The following ADAMTSL1 variants were observed in gnomAD, a reference collection of about 807,000 sequenced individuals.
ADAMTSL1 encodes ADAMTS-like protein 1.
ADAMTSL1 carries 126 observed loss-of-function variants against 201.8 expected under a neutral mutation model. The ratio of observed to expected loss-of-function variants is 0.62; its 90% CI spans 0.54 to 0.72. The LOEUF is 0.72. Among genes scored for constraint, ADAMTSL1 ranks in the 30% least tolerant of loss-of-function variants. ADAMTSL1 has a pLI of 0.00. For missense variants in ADAMTSL1, 2,679 were observed against 2,277.8 expected, an observed-to-expected ratio of 1.18 and a Z score of -3.59; for synonymous variants, 1,121 against 903.4, an observed-to-expected ratio of 1.24 and a Z score of -4.32.
chr9:18,565,047 C>T (rs1222287089), intron 3 of ADAMTSL1, among the ~76,000 whole-genome samples: 1 of 152,184 alleles, frequency 6.6e-6, no homozygotes, highest in African/African-American at 2.4e-5. Flanking sequence ...TTACTTAGAT[C>T]AACTCTCAGA....
rs572708801 is a variant in ADAMTSL1, at chr9:18,556,767, T to C, written c.238-17263T>C. Among the ~76,000 whole-genome samples, 8 of 152,152 alleles carry C rather than the reference T, an allele frequency of 5.3e-5. No homozygotes were observed. The South Asian group carries it at 1.5e-3, about 28-fold the overall frequency. On this transcript the variant is annotated intron_variant, in intron 3 of 28. Transcript: ENST00000380548. ...CCAGTAAATTTGGCACATGATATTG[T>C]TTGATTAGACTCATATGTTAAGCCA...
chr9:18,035,796 A>C (rs1006015502), intron 1 of ADAMTSL1, among the ~76,000 whole-genome samples: 1 of 152,136 alleles, frequency 6.6e-6, no homozygotes, highest in Non-Finnish European at 1.5e-5. Flanking sequence ...ATATACCCAG[A>C]ATGATGCTGT....
At chr9:18,717,733 C>G (rs1037999903) in intron 14 of ADAMTSL1, among the ~76,000 whole-genome samples, 2 of 152,164 alleles carry the variant, frequency 1.3e-5, no homozygotes, top group Non-Finnish European at 2.9e-5. Flanking sequence ...TGGATGTAGT[C>G]TCTGCTTTTA....
intron 1 of ADAMTSL1, among the ~76,000 whole-genome samples, chr9:18,068,537 A>G (rs1012018086): frequency 2.6e-5 from 4 of 152,112 alleles, no homozygotes; most frequent in Non-Finnish European, 4.4e-5. Context: ...CTCCATGGAT[A>G]CCAATGAACA....
intron 2 of ADAMTSL1, among the ~76,000 whole-genome samples, chr9:18,462,383 G>A (rs548681908): frequency 1.3e-5 from 2 of 152,200 alleles, no homozygotes; most frequent in South Asian, 2.1e-4. Flanking sequence ...TACATACTGG[G>A]GTACAGTGGT....
intron 1 of ADAMTSL1, among the ~76,000 whole-genome samples, chr9:18,485,702 G>A (rs1821955932): frequency 6.6e-6 from 1 of 152,196 alleles, no homozygotes; most frequent in Non-Finnish European, 1.5e-5. Flanking sequence ...CCCAGAAGAA[G>A]GAAAGGGAAG....
At chr9:18,006,274 A>G (rs1321720319) in intron 1 of ADAMTSL1, among the ~76,000 whole-genome samples, 1 of 152,030 alleles carries the variant, frequency 6.6e-6, no homozygotes, top group Non-Finnish European at 1.5e-5. Context: ...TAAAATAATT[A>G]GGACATTCTG....
At chr9:18,052,776 G>A (rs908001733) in intron 1 of ADAMTSL1, among the ~76,000 whole-genome samples, 2 of 151,710 alleles carry the variant, frequency 1.3e-5, no homozygotes, top group African/African-American at 4.9e-5. Context: ...ACCCAGCTGT[G>A]TTTTGTACTA....
At chr9:18,612,572 A>T (rs1421949293) in intron 4 of ADAMTSL1, among the ~76,000 whole-genome samples, 1 of 152,136 alleles carries the variant, frequency 6.6e-6, no homozygotes, top group Non-Finnish European at 1.5e-5. Context: ...CAGAAATAAG[A>T]CTGCACACCT....
At chr9:18,239,131 A>G (rs902282412) in intron 2 of ADAMTSL1, among the ~76,000 whole-genome samples, 3 of 152,182 alleles carry the variant, frequency 2.0e-5, no homozygotes, top group African/African-American at 7.2e-5. Context: ...TTGCTAGTGG[A>G]GGGTCTTGCC....
intron 2 of ADAMTSL1, among the ~76,000 whole-genome samples, chr9:18,366,732 C>T (rs1836786599): frequency 6.8e-6 from 1 of 146,034 alleles, no homozygotes; most frequent in African/African-American, 2.6e-5. Context: ...TCACTGCAAC[C>T]TCTGCCTCCC....
At chr9:17,914,823 G>C (rs1826029674) in intron 1 of ADAMTSL1, among the ~76,000 whole-genome samples, 2 of 152,082 alleles carry the variant, frequency 1.3e-5, no homozygotes, top group South Asian at 2.1e-4. Context: ...CTTCAGCAAA[G>C]TCTCAGGATA....
intron 1 of ADAMTSL1, among the ~76,000 whole-genome samples, chr9:17,919,748 T>A (rs1588415707): frequency 6.6e-6 from 1 of 152,272 alleles, no homozygotes; most frequent in East Asian, 1.9e-4. Flanking sequence ...TTTTTCCCAC[T>A]TTTTAGCTAT....
chr9:18,623,925 C>T (rs1479514204), intron 5 of ADAMTSL1, among the ~76,000 whole-genome samples: 1 of 152,100 alleles, frequency 6.6e-6, no homozygotes, highest in Non-Finnish European at 1.5e-5. Context: ...AAACAATTGA[C>T]ATATGGAGAG....
chr9:18,439,948 A>G (rs1184409781), intron 2 of ADAMTSL1, among the ~76,000 whole-genome samples: 1 of 152,098 alleles, frequency 6.6e-6, no homozygotes, highest in Non-Finnish European at 1.5e-5. Context: ...TCTATAGTAC[A>G]CTACTTCACA....
intron 4 of ADAMTSL1, among the ~76,000 whole-genome samples, chr9:18,580,590 CT>C (rs1823034279): frequency 6.6e-6 from 1 of 152,078 alleles, no homozygotes. Flanking sequence ...GTTGAATTTC[CT>C]TAGTTTCTGA....
At chr9:18,782,964 G>A (rs868167948) in intron 19 of ADAMTSL1, among the ~76,000 whole-genome samples, 1 of 152,194 alleles carries the variant, frequency 6.6e-6, no homozygotes. Context: ...AGGGGTTCGG[G>A]TTTTACACTG....
intron 1 of ADAMTSL1, among the ~76,000 whole-genome samples, chr9:18,055,609 A>C (rs890818431): frequency 6.6e-6 from 1 of 152,238 alleles, no homozygotes; most frequent in Admixed American, 6.5e-5. Flanking sequence ...AAAGTCTTTC[A>C]AAGTAACAAC....
intron 5 of ADAMTSL1, among the ~76,000 whole-genome samples, chr9:18,630,769 G>A (rs1341755057): frequency 6.6e-6 from 1 of 152,120 alleles, no homozygotes; most frequent in Non-Finnish European, 1.5e-5. Flanking sequence ...ATCTTTGTCA[G>A]AAGCAGAAGT....
Sources: allele counts gnomAD v4.1 joint callset (sites outside exome capture counted in the v4.1 genomes callset), GRCh38; gene constraint gnomAD v4.1.1; transcripts MANE v1.5; gene names NCBI Gene and HGNC (gene_info 2026-07-23, HGNC 2026-07-21).